POU2F3: variants seen among roughly 807,000 people sequenced by gnomAD.
The protein encoded by POU2F3 is POU domain, class 2, transcription factor 3.
A neutral mutation model predicts 59.2 loss-of-function variants in POU2F3; 23 were observed. The observed-to-expected ratio is 0.39, with a 90% CI of 0.28 to 0.55. POU2F3 has a LOEUF of 0.55. POU2F3 is among the 20% of genes least tolerant of loss of function. The pLI is 0.66. For synonymous variants in POU2F3, 190 were observed against 214.6 expected, an observed-to-expected ratio of 0.89 and a Z score of 1.00; for missense variants, 473 against 544.5, an observed-to-expected ratio of 0.87 and a Z score of 1.31.
intron 5 of POU2F3, 55 bp downstream of exon 5, chr11:120,299,781 C>A: frequency 6.7e-7 from 1 of 1,503,500 alleles, no homozygotes; most frequent in Non-Finnish European, 9.1e-7. Flanking sequence ...GCTGCTGTTG[C>A]TGCTGTTTTT....
chr11:120,274,538 A>C, intron 3 of POU2F3, among the ~76,000 whole-genome samples: 1 of 152,256 alleles, frequency 6.6e-6, no homozygotes, highest in East Asian at 1.9e-4. Context: ...GATGCTGAAC[A>C]TTGGTGGAAC....
intron 3 of POU2F3, among the ~76,000 whole-genome samples, chr11:120,294,602 C>G (rs1276663586): frequency 6.6e-6 from 1 of 152,230 alleles, no homozygotes; most frequent in African/African-American, 2.4e-5. Flanking sequence ...AAGCTTCCAA[C>G]CTTTTCCCCT....
At position 120,240,176 on chromosome 11, in the gene POU2F3, G is replaced by T; in HGVS notation, c.-168G>T. The T allele has an allele frequency of 8.2e-7, 1 of 1,221,480 alleles. No homozygotes were observed. The highest frequency in any genetic ancestry group is 4.1e-5 in the South Asian group (1 of 24,358). 75.7% of individuals were successfully genotyped at this position (1,221,480 alleles called of 1,614,324 possible). On this transcript the variant is annotated 5_prime_UTR_variant, in exon 1 of 13. Transcript: ENST00000543440. ...CCTGGCGGCGCCGAGTGTTGCCCGG[G>T]CCGGAGCAGCGGAGCGCGCGACAGT...
Position 120,305,132 on chromosome 11 carries a change from G to T in POU2F3, c.547G>T (p.Asp183Tyr). 1 of 1,613,820 alleles carries T rather than the reference G, an allele frequency of 6.2e-7. No individual in the cohort carries two copies. Among genetic ancestry groups the T allele is most frequent in the Non-Finnish European group, 8.5e-7 (1 of 1,179,978 alleles). ...GCATCTACCCAGCTCTGGAGGGGCC[G>T]ATGAGCCCAGTGACCTCGAGGAGCT... Reference protein sequence around the residue: ...PKHLPSSGGADEPSDLEELEK... With the variant: ...PKHLPSSGGAYEPSDLEELEK... Residue 183 changes from aspartate (D) to tyrosine (Y), a missense_variant, in exon 7 of 13, where the codon GAT becomes TAT. By Grantham distance (160) the Asp-to-Tyr change is radical. Transcript: ENST00000543440.
chr11:120,257,535 G>T (rs149041788), intron 2 of POU2F3, among the ~76,000 whole-genome samples: 1 of 151,942 alleles, frequency 6.6e-6, no homozygotes, highest in Non-Finnish European at 1.5e-5. Context: ...TCCTCCACAA[G>T]GGTTTTTGCT....
At chr11:120,278,397 G>T (rs1157266586) in intron 3 of POU2F3, among the ~76,000 whole-genome samples, 1 of 152,192 alleles carries the variant, frequency 6.6e-6, no homozygotes, top group East Asian at 1.9e-4. Context: ...CGGGGTAGCT[G>T]TGATCCCCAG....
chr11:120,277,015 A>G (rs144276516), intron 3 of POU2F3, among the ~76,000 whole-genome samples: 1 of 152,320 alleles, frequency 6.6e-6, no homozygotes, highest in African/African-American at 2.4e-5. Context: ...TTACAAAAAT[A>G]TGCATTTTTT....
intron 2 of POU2F3, among the ~76,000 whole-genome samples, chr11:120,266,730 T>G (rs2135186846): frequency 6.6e-6 from 1 of 152,314 alleles, no homozygotes; most frequent in South Asian, 2.1e-4. Flanking sequence ...CTGATCAGCC[T>G]CAGATACTCT....
At chr11:120,247,449 G>C (rs1273346267) in intron 2 of POU2F3, among the ~76,000 whole-genome samples, 1 of 152,214 alleles carries the variant, frequency 6.6e-6, no homozygotes, top group African/African-American at 2.4e-5. Flanking sequence ...GGCATCCACA[G>C]TATGCATTTG....
chr11:120,269,746 C>G (rs773139825), intron 3 of POU2F3, among the ~76,000 whole-genome samples: 1 of 152,232 alleles, frequency 6.6e-6, no homozygotes, highest in Admixed American at 6.5e-5. Flanking sequence ...TGTAGACATG[C>G]GCCTGGTGCT....
At chr11:120,256,886 A>T (rs1280540634) in intron 2 of POU2F3, 3 of 152,216 alleles carry the variant, frequency 2.0e-5, no homozygotes, top group African/African-American at 7.2e-5. Context: ...TGTAGTATGG[A>T]CAGCCTTTGC....
intron 2 of POU2F3, among the ~76,000 whole-genome samples, chr11:120,247,703 C>T (rs1309594886): frequency 6.6e-6 from 1 of 152,134 alleles, no homozygotes; most frequent in Non-Finnish European, 1.5e-5. Context: ...CCTTTTATCT[C>T]AAAAACCTGA....
In POU2F3 at chr11:120,299,701, A is replaced by G. The variant is rs769265971; in HGVS notation, c.336A>G (p.Leu112=). Residue 112 remains leucine, a synonymous_variant, in exon 5 of 13, where the codon CTA becomes CTG. Coordinates refer to ENST00000543440, the MANE Select transcript of POU2F3 (RefSeq NM_014352.4). ...GHLQSVSQFL[L]SQTQPGQQGL... ...TACAGTCTGTATCCCAGTTCCTGCT[A>G]TCTCAGACCCAGCCTGGGCAGCAAG... is the stretch of plus-strand genomic sequence containing the variant. 2 of 1,613,352 alleles carry G rather than the reference A, an allele frequency of 1.2e-6. No individual in the cohort carries two copies. The highest frequency in any genetic ancestry group is 1.7e-5 in the Admixed American group (1 of 60,008).
At chr11:120,301,213 C>G in intron 5 of POU2F3, 1 of 388,178 alleles carries the variant, frequency 2.6e-6, no homozygotes, top group East Asian at 7.4e-5. Flanking sequence ...CCTCTCTGAG[C>G]TTCCATTTCC....
intron 3 of POU2F3, among the ~76,000 whole-genome samples, chr11:120,292,549 GC>G (rs1228234571): frequency 6.6e-6 from 1 of 152,148 alleles, no homozygotes; most frequent in Non-Finnish European, 1.5e-5. Context: ...TCTGTGGGGG[GC>G]AAATCAAAAG....
intron 7 of POU2F3, 106 bp downstream of exon 7, chr11:120,305,318 T>C: frequency 7.7e-7 from 1 of 1,306,538 alleles, no homozygotes; most frequent in Non-Finnish European, 1.0e-6. Flanking sequence ...GTGTTTGGGG[T>C]CTCCTCATCA....
intron 2 of POU2F3, among the ~76,000 whole-genome samples, chr11:120,268,675 T>A (rs1359751092): frequency 6.6e-6 from 1 of 152,230 alleles, no homozygotes; most frequent in Non-Finnish European, 1.5e-5. Context: ...ACATATTTAC[T>A]TTTTCAGCCC....
intron 3 of POU2F3, among the ~76,000 whole-genome samples, chr11:120,289,168 C>T (rs1242281947): frequency 6.6e-6 from 1 of 152,142 alleles, no homozygotes; most frequent in Admixed American, 6.5e-5. Flanking sequence ...GGCTTAGGGA[C>T]CTTCAGATTT....
chr11:120,272,984 C>T (rs140923109), intron 3 of POU2F3, among the ~76,000 whole-genome samples: 11 of 152,308 alleles, frequency 7.2e-5, no homozygotes, highest in Admixed American at 1.3e-4. Context: ...CTTCATGTTA[C>T]GGTGTCATTA....
Sources: allele counts gnomAD v4.1 joint callset (sites outside exome capture counted in the v4.1 genomes callset), GRCh38; gene constraint gnomAD v4.1.1; transcripts MANE v1.5; gene names NCBI Gene and HGNC (gene_info 2026-07-23, HGNC 2026-07-21).